SLC6A6: variants seen among roughly 807,000 people sequenced by gnomAD.
SLC6A6 encodes sodium- and chloride-dependent taurine transporter.
SLC6A6 carries 16 observed loss-of-function variants against 68.8 expected under a neutral mutation model. That is an observed-to-expected ratio of 0.23 (90% CI 0.16 to 0.35). The LOEUF (loss-of-function observed/expected upper bound fraction) is 0.35. SLC6A6 is among the 10% of genes least tolerant of loss of function. The pLI, the probability that SLC6A6 is intolerant of heterozygous loss-of-function variation, is 1.00. For missense variants in SLC6A6, 474 were observed against 802.8 expected (o/e 0.59, Z 4.95); for synonymous variants, 312 against 315.4 (o/e 0.99, Z 0.12).
At chr3:14,469,984 G>A (rs1297752202) in intron 9 of SLC6A6, among the ~76,000 whole-genome samples, 1 of 152,124 alleles carries the variant, frequency 6.6e-6, no homozygotes, top group South Asian at 2.1e-4. Context: ...AAGTCCCCAC[G>A]CCCCTTAGGG....
In SLC6A6 at chr3:14,481,325, A is replaced by T. The variant is rs1421516677; in HGVS notation, c.1552-346A>T. Among the ~76,000 whole-genome samples the T allele has an allele frequency of 1.3e-5, 2 of 152,066 alleles. No homozygotes were observed. Among genetic ancestry groups the T allele is most frequent in the Admixed American group, 6.6e-5 (1 of 15,266 alleles). On this transcript the variant is annotated intron_variant, in intron 13 of 14. Coordinates refer to ENST00000622186, the MANE Select transcript of SLC6A6 (RefSeq NM_003043.6). The surrounding 1 kb of genome is among the most constrained non-coding windows in gnomAD (Gnocchi z 4.7). Reference sequence around the variant, plus strand: ...CAGAGTTCAGTGACAGAGGAGCTAGAAGGAATTCTTCAGGGTGGCTGGAGT... The same window carrying T: ...CAGAGTTCAGTGACAGAGGAGCTAGTAGGAATTCTTCAGGGTGGCTGGAGT...
intron 2 of SLC6A6, among the ~76,000 whole-genome samples, chr3:14,423,291 C>T (rs1171572964): frequency 1.3e-5 from 2 of 152,226 alleles, no homozygotes; most frequent in African/African-American, 4.8e-5. Context: ...CAGGCCTTCT[C>T]ATGCCTCGGT....
chr3:14,424,808 C>G lies in SLC6A6; in HGVS notation c.-12+8355C>G, dbSNP rs538042148. ...GAGGAAACCCACTCTAACGAGGTGT[C>G]TAACCCAGTTTGCTGACTCACGTGG... On this transcript the variant is annotated intron_variant, in intron 2 of 14. Coordinates refer to ENST00000622186, the MANE Select transcript of SLC6A6 (RefSeq NM_003043.6). 5.3e-5 allele frequency among the ~76,000 whole-genome samples: 8 copies of G among 152,308 alleles called. No homozygotes were observed. The South Asian group carries it at 1.7e-3, about 32-fold the overall frequency.
At chr3:14,425,375 G>A (rs886666028) in intron 2 of SLC6A6, among the ~76,000 whole-genome samples, 4 of 152,162 alleles carry the variant, frequency 2.6e-5, no homozygotes, top group Non-Finnish European at 5.9e-5. Flanking sequence ...TGCCTGCACT[G>A]GGAATACAGA....
intron 2 of SLC6A6, among the ~76,000 whole-genome samples, chr3:14,426,429 G>T (rs1699600972): frequency 6.6e-6 from 1 of 152,228 alleles, no homozygotes; most frequent in Admixed American, 6.5e-5. Context: ...AGCCCAGGGA[G>T]CTGGGATTGG....
intron 2 of SLC6A6, 109 bp from the exon 3 acceptor site, chr3:14,443,515 G>T: frequency 2.7e-6 from 2 of 745,758 alleles, no homozygotes; most frequent in Non-Finnish European, 4.6e-6. Context: ...CCTTGCCACA[G>T]GCCCGGGCAG....
At chr3:14,421,315 G>C (rs1000860082) in intron 2 of SLC6A6, among the ~76,000 whole-genome samples, 6 of 152,178 alleles carry the variant, frequency 3.9e-5, no homozygotes, top group African/African-American at 1.4e-4. Context: ...GAGATGTACT[G>C]TTAGGACCTG....
intron 6 of SLC6A6, among the ~76,000 whole-genome samples, chr3:14,463,859 C>T (rs1213822095): frequency 1.3e-5 from 2 of 152,176 alleles, no homozygotes; most frequent in Admixed American, 6.5e-5. Context: ...CTGTCAGTGT[C>T]GGAGAGCCAT....
rs1700679503 is a variant in SLC6A6 at position 14,468,585 on chromosome 3, AC to A, written c.1096+375del. On this transcript the variant is annotated intron_variant, in intron 9 of 14. Transcript: ENST00000622186. The surrounding 1 kb of genome is among the most constrained non-coding windows in gnomAD (Gnocchi z 4.5). ...AGCCACCAATCGGCATTCCATCACC[AC>A]CTTCTCAGCCTTGGTTTCTGTATTT... Among the ~76,000 whole-genome samples, 1 of 150,994 alleles carries A rather than the reference AC, an allele frequency of 6.6e-6. No homozygotes were observed. Among genetic ancestry groups the A allele is most frequent in the Non-Finnish European group, 1.5e-5 (1 of 67,762 alleles).
At chr3:14,414,426 C>G (rs1267032974) in intron 1 of SLC6A6, among the ~76,000 whole-genome samples, 1 of 152,226 alleles carries the variant, frequency 6.6e-6, no homozygotes, top group African/African-American at 2.4e-5. Flanking sequence ...GGGCTGAGAG[C>G]AGGCCTATGT....
At chr3:14,437,328 G>A (rs1208422369) in intron 2 of SLC6A6, among the ~76,000 whole-genome samples, 2 of 151,848 alleles carry the variant, frequency 1.3e-5, no homozygotes, top group Non-Finnish European at 2.9e-5. Flanking sequence ...GGCAATCATG[G>A]CTCACTGCAG....
chr3:14,471,495 C>T (rs1476524580), intron 9 of SLC6A6, among the ~76,000 whole-genome samples: 4 of 152,172 alleles, frequency 2.6e-5, no homozygotes, highest in Non-Finnish European at 5.9e-5. Context: ...GAAACTGAGG[C>T]CCTGAGAGGG....
At chr3:14,409,303 T>G (rs1699183176) in intron 1 of SLC6A6, among the ~76,000 whole-genome samples, 1 of 152,198 alleles carries the variant, frequency 6.6e-6, no homozygotes, top group Admixed American at 6.5e-5. Flanking sequence ...GCCAGCTCAG[T>G]AAATGAAATA....
At chr3:14,417,911 A>G (rs977555952) in intron 2 of SLC6A6, among the ~76,000 whole-genome samples, 1 of 152,102 alleles carries the variant, frequency 6.6e-6, no homozygotes, top group East Asian at 1.9e-4. Context: ...GATCGTCATT[A>G]TGTTTTTAAA....
rs773895618 is a variant in SLC6A6, at chr3:14,468,260, G to A, written c.1096+48G>A. The stretch of plus-strand genomic sequence containing the variant: ...GGTGGTGGGCACTGCCACCTAGTGT[G>A]TAAGCCAAGTACTGCAGGCATGAAG... On this transcript the variant is annotated intron_variant, in intron 9 of 14. Coordinates refer to ENST00000622186, the MANE Select transcript of SLC6A6 (RefSeq NM_003043.6). This position sits in a 1 kb window ranked among gnomAD's most constrained non-coding sequence, Gnocchi z 4.5. 13 of 1,572,120 alleles carry A rather than the reference G, an allele frequency of 8.3e-6. 1 individual carries two copies. The highest frequency in any genetic ancestry group is 2.7e-5 in the African/African-American group (2 of 72,914).
rs192768631 is a variant in SLC6A6 at position 14,462,569 on chromosome 3, C to T, written c.733-3947C>T. 1.8e-3 allele frequency among the ~76,000 whole-genome samples: 275 copies of T among 152,180 alleles called. 5 individuals carry two copies. The highest frequency in any genetic ancestry group is 0.016 in the Admixed American group (249 of 15,282). On this transcript the variant is annotated intron_variant, in intron 6 of 14. Transcript: ENST00000622186. ...CAAAAATTAGCTGGGCATCGTGGCGCGTACCTGTAGTCCCAGCTACTCAGG... is the reference window on the plus strand; with the variant it reads ...CAAAAATTAGCTGGGCATCGTGGCGTGTACCTGTAGTCCCAGCTACTCAGG...
intron 2 of SLC6A6, 70 bp from the exon 3 acceptor site, chr3:14,443,554 A>C: frequency 1.8e-6 from 2 of 1,101,590 alleles, no homozygotes; most frequent in Non-Finnish European, 2.7e-6. Flanking sequence ...ATGAGGAAGC[A>C]GAGATTGTGT....
chr3:14,417,624 C>G (rs1028237366), intron 2 of SLC6A6, among the ~76,000 whole-genome samples: 1 of 151,074 alleles, frequency 6.6e-6, no homozygotes, highest in African/African-American at 2.4e-5. Flanking sequence ...TCCAGCTACT[C>G]GGGAGGCTGA....
chr3:14,437,541 G>A (rs900693573), intron 2 of SLC6A6, among the ~76,000 whole-genome samples: 2 of 152,284 alleles, frequency 1.3e-5, no homozygotes, highest in East Asian at 1.9e-4. Context: ...TCACATCTGC[G>A]TATGTTGTAG....
Sources: allele counts gnomAD v4.1 joint callset (sites outside exome capture counted in the v4.1 genomes callset), GRCh38; gene constraint gnomAD v4.1.1; non-coding constraint Gnocchi (gnomAD v3.1); transcripts MANE v1.5; gene names NCBI Gene and HGNC (gene_info 2026-07-23, HGNC 2026-07-21).